Variants in GTF2I observed in about 807,000 individuals in gnomAD.
GTF2I encodes general transcription factor IIi, also known as general transcription factor II-I.
GTF2I carries 12 observed loss-of-function variants against 67.6 expected under a neutral mutation model. That is an observed-to-expected ratio of 0.18 (90% CI 0.11 to 0.29). GTF2I has a LOEUF of 0.29. Ranked by LOEUF, GTF2I falls within the 10% of genes least tolerant of loss-of-function variation. The probability of loss-of-function intolerance (pLI) is 1.00; values close to 1 mark genes in which losing one functional copy is unlikely to be tolerated. For missense variants in GTF2I, 271 were observed against 580.1 expected (o/e 0.47, Z 5.47); for synonymous variants, 149 against 197.0 (o/e 0.76, Z 2.04).
intron 1 of GTF2I, among the ~76,000 whole-genome samples, chr7:74,662,444 A>G (rs1804588881): frequency 7.0e-6 from 1 of 141,906 alleles, no homozygotes; most frequent in South Asian, 2.3e-4. Context: ...TCCTGACCTC[A>G]GGTGATCCGC....
chr7:74,724,288 A>G (rs1191352512), intron 12 of GTF2I, among the ~76,000 whole-genome samples: 1 of 152,204 alleles, frequency 6.6e-6, no homozygotes, highest in African/African-American at 2.4e-5. Flanking sequence ...AAATAGATAT[A>G]TTACCTGGTG....
At position 74,707,356 on chromosome 7, in the gene GTF2I, C is replaced by T. The variant is rs185742633; in HGVS notation, c.685+923C>T. Among the ~76,000 whole-genome samples the T allele has an allele frequency of 1.6e-3, 245 of 152,316 alleles. 1 individual carries two copies. The highest frequency in any genetic ancestry group is 3.2e-3 in the Non-Finnish European group (219 of 68,028). Reference sequence around the variant, plus strand: ...TGCCCCCTCATCTCCCTCTGTCTGACCAGGCCCTCGGCAGCTTCCCCAGCC... The same window carrying T: ...TGCCCCCTCATCTCCCTCTGTCTGATCAGGCCCTCGGCAGCTTCCCCAGCC... On this transcript the variant is annotated intron_variant, in intron 8 of 34. Transcript: ENST00000573035.
At position 74,694,049 on chromosome 7, in the gene GTF2I, G is replaced by A. The variant is rs186766603; in HGVS notation, c.238+2938G>A. Among the ~76,000 whole-genome samples, 44 of 152,258 alleles carry A rather than the reference G, an allele frequency of 2.9e-4. No homozygotes were observed. In the East Asian group the frequency reaches 8.3e-3, roughly 29 times the overall value. The stretch of plus-strand genomic sequence containing the variant: ...TGGAGAATGCGTAGGAAAAGTTCTC[G>A]AAGGAAATGAAAACTGCTGCTCCAG... On this transcript the variant is annotated intron_variant, in intron 3 of 34. Transcript: ENST00000573035.
intron 1 of GTF2I, among the ~76,000 whole-genome samples, chr7:74,683,468 AG>A (rs1787431426): frequency 1.3e-5 from 2 of 152,262 alleles, no homozygotes; most frequent in Admixed American, 1.3e-4. Flanking sequence ...AGAGGACAGC[AG>A]GAACACAAAA....
intron 1 of GTF2I, among the ~76,000 whole-genome samples, chr7:74,668,527 G>T (rs1562936064): frequency 6.6e-6 from 1 of 151,678 alleles, no homozygotes; most frequent in African/African-American, 2.4e-5. Context: ...CTTGTGTTTT[G>T]ATCTCATTTC....
chr7:74,669,473 C>T (rs951477372), intron 1 of GTF2I, among the ~76,000 whole-genome samples: 18 of 151,530 alleles, frequency 1.2e-4, no homozygotes, highest in East Asian at 1.9e-4. Flanking sequence ...TGAAGTGATC[C>T]GCCCGCCTAG....
chr7:74,665,442 G>A (rs781801614), intron 1 of GTF2I, among the ~76,000 whole-genome samples: 1 of 151,688 alleles, frequency 6.6e-6, no homozygotes, highest in Non-Finnish European at 1.5e-5. Flanking sequence ...AGCAGAGACA[G>A]GGTTTCACCA....
intron 1 of GTF2I, among the ~76,000 whole-genome samples, chr7:74,663,518 T>A (rs1265834581): frequency 6.6e-6 from 1 of 152,178 alleles, no homozygotes; most frequent in Non-Finnish European, 1.5e-5. Flanking sequence ...CTCCAACTCC[T>A]GACCTCAAGT....
intron 11 of GTF2I, chr7:74,717,187 A>G (rs1792367481): frequency 5.7e-6 from 2 of 350,554 alleles, no homozygotes; most frequent in Middle Eastern, 8.0e-4. Context: ...AAGCTCTTAC[A>G]TGATGCAAAA....
At chr7:74,752,732 AT>A (rs1228850317) in intron 28 of GTF2I, among the ~76,000 whole-genome samples, 3 of 110,028 alleles carry the variant, frequency 2.7e-5, no homozygotes, top group Admixed American at 1.1e-4. Context: ...AAAAAAAAAA[AT>A]CTATATAAAA....
At chr7:74,689,724 CATTT>C (rs1186722861) in intron 2 of GTF2I, among the ~76,000 whole-genome samples, 3 of 150,406 alleles carry the variant, frequency 2.0e-5, no homozygotes, top group Non-Finnish European at 4.4e-5. Flanking sequence ...TTCATTCATT[CATTT>C]ATTTGAGACA....
rs1351145575 is a variant in GTF2I, at chr7:74,750,232, G to T, written c.2420+781G>T. 6.6e-5 allele frequency among the ~76,000 whole-genome samples: 6 copies of T among 90,556 alleles called. No homozygotes were observed. In the Admixed American group the frequency reaches 8.5e-4, roughly 13 times the overall value. 59.4% of individuals were successfully genotyped at this position (90,556 alleles called of 152,430 possible). On this transcript the variant is annotated intron_variant, in intron 26 of 34. Transcript: ENST00000573035. ...AGATCACTTGAGGTCAGGAGTTCGAGACCAGCCTGGCCAACATGGTGAAGC... is the reference window on the plus strand; with the variant it reads ...AGATCACTTGAGGTCAGGAGTTCGATACCAGCCTGGCCAACATGGTGAAGC...
Position 74,718,748 on chromosome 7 carries a change from T to C in GTF2I, c.881-131T>C, listed in dbSNP as rs140000871. ...AAGGGTCAAATTTTAATTTCATTAATATGAAATGAATGAAAATGCCAGTGG... is the reference window on the plus strand; with the variant it reads ...AAGGGTCAAATTTTAATTTCATTAACATGAAATGAATGAAAATGCCAGTGG... On this transcript the variant is annotated intron_variant, in intron 11 of 34. Transcript: ENST00000573035. 2,079 of 559,940 alleles carry C rather than the reference T, an allele frequency of 3.7e-3. 65 individuals carry two copies. Among genetic ancestry groups the C allele is most frequent in the South Asian group, 0.032 (1,408 of 43,420 alleles). The allele number at this position is 559,940 out of a possible 1,614,324, so 34.7% of individuals were successfully genotyped here.
chr7:74,703,724 A>G (rs587670981), intron 6 of GTF2I, among the ~76,000 whole-genome samples: 1 of 152,268 alleles, frequency 6.6e-6, no homozygotes, highest in Admixed American at 6.5e-5. Flanking sequence ...CATTGCGTAA[A>G]CCCAAAGGCA....
At position 74,668,331 on chromosome 7, in the gene GTF2I, TTG is replaced by T. The variant is rs71094802; in HGVS notation, c.-6+10287_-6+10288del. ...TTGTTTTGTAGCATGGCAAAGCCCA[TTG>T]TGTGTGTGTGTGTGTGTGTGTGTAT... On this transcript the variant is annotated intron_variant, in intron 1 of 34. Coordinates refer to ENST00000573035, the MANE Select transcript of GTF2I (RefSeq NM_032999.4). Among the ~76,000 whole-genome samples, 76 of 147,828 alleles carry T rather than the reference TTG, an allele frequency of 5.1e-4. 2 individuals carry two copies. The highest frequency in any genetic ancestry group is 3.5e-3 in the Middle Eastern group (1 of 284).
At chr7:74,726,178 A>G (rs1178426988) in intron 12 of GTF2I, among the ~76,000 whole-genome samples, 1 of 152,168 alleles carries the variant, frequency 6.6e-6, no homozygotes, top group Non-Finnish European at 1.5e-5. Flanking sequence ...ACCTTAACCT[A>G]TAGGGGAAAT....
chr7:74,681,345 G>T (rs1033495914), intron 1 of GTF2I, among the ~76,000 whole-genome samples: 3 of 152,088 alleles, frequency 2.0e-5, no homozygotes, highest in African/African-American at 7.2e-5. Flanking sequence ...TGAGGCAGGA[G>T]AATTGCTTGA....
intron 3 of GTF2I, among the ~76,000 whole-genome samples, chr7:74,692,099 G>A (rs1584150194): frequency 6.9e-6 from 1 of 145,372 alleles, no homozygotes; most frequent in South Asian, 2.2e-4. Flanking sequence ...TTAAGAGATG[G>A]GGTCTCGCTC....
intron 6 of GTF2I, 122 bp downstream of exon 6, chr7:74,700,756 C>A: frequency 1.0e-6 from 1 of 966,748 alleles, no homozygotes; most frequent in Non-Finnish European, 1.7e-6. Flanking sequence ...TTCGGATGGG[C>A]TGTTTAGATG....
Sources: gnomAD v4.1 joint callset for allele counts (sites outside exome capture counted in the v4.1 genomes callset) on GRCh38, gnomAD v4.1.1 for gene constraint, MANE v1.5 for transcripts, NCBI Gene and HGNC (gene_info 2026-07-23, HGNC 2026-07-21) for gene names.